UGT1A9: variants seen among roughly 807,000 people sequenced by gnomAD.
UGT1A9 encodes the protein UDP glucuronosyltransferase family 1 member A9.
Under a neutral mutation model 45.0 loss-of-function variants are expected in UGT1A9, and 35 were observed. The ratio of observed to expected loss-of-function variants is 0.78; its 90% confidence interval spans 0.59 to 1.03. The LOEUF (loss-of-function observed/expected upper bound fraction) is 1.03, where lower values mean the gene tolerates loss of function less well. UGT1A9 is among the 50% of genes least tolerant of loss of function. The pLI, the probability that UGT1A9 is intolerant of heterozygous loss-of-function variation, is 0.00. For missense variants in UGT1A9, 687 were observed against 666.6 expected (o/e 1.03, Z -0.34); for synonymous variants, 278 against 250.6 (o/e 1.11, Z -1.03).
intron 1 of UGT1A9, among the ~76,000 whole-genome samples, chr2:233,717,005 G>A (rs2125651164): frequency 6.6e-6 from 1 of 152,262 alleles, no homozygotes; most frequent in South Asian, 2.1e-4. Context: ...GGGCCCCTAT[G>A]TCTCTGAAGG....
At chr2:233,691,288 T>A in intron 1 of UGT1A9, 1 of 985,466 alleles carries the variant, frequency 1.0e-6, no homozygotes, top group East Asian at 1.1e-4. Flanking sequence ...TTGATCATTG[T>A]AAGCTGCCAA....
In UGT1A9 at chr2:233,712,082, T is replaced by C. The variant is rs1559358101; in HGVS notation, c.855+39293T>C. Among the ~76,000 whole-genome samples the C allele has an allele frequency of 2.0e-5, 3 of 152,248 alleles. No homozygotes were observed. In the South Asian group the frequency reaches 6.2e-4, roughly 32 times the overall value. Reference sequence around the variant, plus strand: ...TAATCTTCAGGATGAAATAAAGGCCTGGATGAATGGACACTTCAGTCTCTA... The same window carrying C: ...TAATCTTCAGGATGAAATAAAGGCCCGGATGAATGGACACTTCAGTCTCTA... On this transcript the variant is annotated intron_variant, in intron 1 of 4. Coordinates refer to ENST00000354728, the MANE Select transcript of UGT1A9 (RefSeq NM_021027.3).
chr2:233,736,288 C>T (rs896728048), intron 1 of UGT1A9, among the ~76,000 whole-genome samples: 17 of 152,156 alleles, frequency 1.1e-4, no homozygotes, highest in African/African-American at 3.9e-4. Context: ...ACCCTTTCTT[C>T]CAGTTGCTCT....
intron 1 of UGT1A9, among the ~76,000 whole-genome samples, chr2:233,709,949 C>T (rs2076099737): frequency 6.6e-6 from 1 of 152,156 alleles, no homozygotes; most frequent in Admixed American, 6.5e-5. Flanking sequence ...GTTTCTGTTG[C>T]TGGATAACAG....
At chr2:233,771,579 A>G (rs974224388) in intron 4 of UGT1A9, 2 of 152,312 alleles carry the variant, frequency 1.3e-5, no homozygotes, top group Non-Finnish European at 2.9e-5. Flanking sequence ...GGTTGTTTAC[A>G]ACTTCAAATA....
intron 1 of UGT1A9, among the ~76,000 whole-genome samples, chr2:233,739,298 C>T (rs11691827): frequency 0.094 from 14,308 of 152,206 alleles, 1,367 homozygotes; most frequent in African/African-American, 0.26. Flanking sequence ...CACTGGGGCA[C>T]TGCCTAGTGG....
At chr2:233,711,662 CTA>C (rs1575496334) in intron 1 of UGT1A9, among the ~76,000 whole-genome samples, 1 of 152,198 alleles carries the variant, frequency 6.6e-6, no homozygotes, top group Non-Finnish European at 1.5e-5. Flanking sequence ...AAGGTGGAAT[CTA>C]TTATCAATGT....
chr2:233,681,099 C>T (rs940932647), intron 1 of UGT1A9, among the ~76,000 whole-genome samples: 2 of 151,602 alleles, frequency 1.3e-5, no homozygotes, highest in African/African-American at 2.4e-5. Flanking sequence ...CTCTGCAATG[C>T]GCAAGTGAGC....
intron 1 of UGT1A9, chr2:233,718,138 CCTCA>C: frequency 1.7e-5 from 4 of 236,468 alleles, no homozygotes; most frequent in South Asian, 5.8e-5. Context: ...GATGGAGAAT[CCTCA>C]ATAAAGCCTT....
intron 1 of UGT1A9, chr2:233,743,737 C>T: frequency 7.3e-7 from 1 of 1,367,416 alleles, no homozygotes. Flanking sequence ...TATCGCGTTT[C>T]TTGGCGTCCG....
Position 233,671,976 on chromosome 2 carries a change from G to A in UGT1A9, c.42G>A (p.Val14=), listed in dbSNP as rs376535701. 12 of 1,613,952 alleles carry A rather than the reference G, an allele frequency of 7.4e-6. No homozygotes were observed. Among genetic ancestry groups the A allele is most frequent in the Non-Finnish European group, 9.3e-6 (11 of 1,179,974 alleles). ...TGWTSPLPLC[V]CLLLTCGFAE... ...GGACCAGCCCCCTTCCTCTATGTGT[G>A]TGTCTGCTGCTGACCTGTGGCTTTG... is the stretch of plus-strand genomic sequence containing the variant. The change falls in exon 1 of 5, where the codon GTG becomes GTA. Residue 14 remains valine (V), a synonymous_variant. Transcript: ENST00000354728.
intron 1 of UGT1A9, among the ~76,000 whole-genome samples, chr2:233,696,769 T>C (rs2125568935): frequency 6.6e-6 from 1 of 152,312 alleles, no homozygotes; most frequent in Middle Eastern, 3.4e-3. Context: ...ATTTATCATA[T>C]ATGGATTTTA....
chr2:233,740,373 A>C (rs1691376932), intron 1 of UGT1A9, among the ~76,000 whole-genome samples: 2 of 151,912 alleles, frequency 1.3e-5, no homozygotes, highest in Non-Finnish European at 2.9e-5. Context: ...CTAGAAAGGT[A>C]AGTTGTTGTG....
Position 233,737,047 on chromosome 2 carries a change from C to G in UGT1A9, c.856-29987C>G, listed in dbSNP as rs559935020. On this transcript the variant is annotated intron_variant, in intron 1 of 4. Coordinates refer to ENST00000354728, the MANE Select transcript of UGT1A9 (RefSeq NM_021027.3). ...CCATTCTCAGAGCTCAAATGCCATA[C>G]TAGGAGAACGAGTGCTCTCTTCAGA... Among the ~76,000 whole-genome samples the G allele has an allele frequency of 2.6e-4, 39 of 152,330 alleles. No homozygotes were observed. In the South Asian group the frequency reaches 7.7e-3, roughly 30 times the overall value.
chr2:233,729,390 A>T (rs1190796582), intron 1 of UGT1A9: 1 of 1,613,904 alleles, frequency 6.2e-7, no homozygotes, highest in East Asian at 2.2e-5. Flanking sequence ...CCCAGGATGA[A>T]TTTGATCGCC....
chr2:233,690,817 A>G, intron 1 of UGT1A9: 1 of 1,076,340 alleles, frequency 9.3e-7, no homozygotes, highest in South Asian at 2.7e-5. Flanking sequence ...TAGTACAGTC[A>G]AAGCTCACAG....
chr2:233,735,915 C>T (rs1408003529), intron 1 of UGT1A9, among the ~76,000 whole-genome samples: 4 of 152,042 alleles, frequency 2.6e-5, no homozygotes, highest in South Asian at 4.2e-4. Flanking sequence ...GTGGGTAACC[C>T]GACCTTTCTC....
chr2:233,672,698 C>A lies in UGT1A9; in HGVS notation c.764C>A (p.Thr255Lys). The A allele has an allele frequency of 6.2e-7, 1 of 1,613,904 alleles. No individual in the cohort carries two copies. Among genetic ancestry groups the A allele is most frequent in the South Asian group, 1.1e-5 (1 of 91,080 alleles). Residue 255 changes from threonine (T) to lysine (K), a missense_variant, in exon 1 of 5, where the codon ACG becomes AAG. Coordinates refer to ENST00000354728, the MANE Select transcript of UGT1A9 (RefSeq NM_021027.3). ...CACACATCAATTTGGTTGTTGCGAA[C>A]GGACTTTGTTTTGGACTATCCCAAA... is the stretch of plus-strand genomic sequence containing the variant. ...YSHTSIWLLR[T>K]DFVLDYPKPV... is the part of the protein sequence containing the mutation.
At chr2:233,713,098 C>T (rs2076277745) in intron 1 of UGT1A9, 2 of 1,614,198 alleles carry the variant, frequency 1.2e-6, no homozygotes, top group Non-Finnish European at 8.5e-7. Context: ...GTGGTGCCCA[C>T]TGATGGCAGC....
Sources: allele counts gnomAD v4.1 joint callset (sites outside exome capture counted in the v4.1 genomes callset), GRCh38; gene constraint gnomAD v4.1.1; transcripts MANE v1.5; gene names NCBI Gene and HGNC (gene_info 2026-07-23, HGNC 2026-07-21).